EYS: variants seen among roughly 807,000 people sequenced by gnomAD.
The protein encoded by EYS is protein eyes shut homolog.
EYS carries 250 observed loss-of-function variants against 282.1 expected under a neutral mutation model. That is an observed-to-expected ratio of 0.89 (90% CI 0.80 to 0.98). The LOEUF is 0.98. Ranked by LOEUF, EYS falls within the 50% of genes least tolerant of loss-of-function variation. The pLI is 0.00. For missense variants in EYS, 4,016 were observed against 3,709.0 expected, an observed-to-expected ratio of 1.08 and a Z score of -2.15; for synonymous variants, 1,355 against 1,282.9, an observed-to-expected ratio of 1.06 and a Z score of -1.20.
intron 30 of EYS, among the ~76,000 whole-genome samples, chr6:64,297,909 C>T (rs1481772043): frequency 1.4e-5 from 2 of 145,332 alleles, no homozygotes; most frequent in African/African-American, 2.6e-5. Context: ...ACCCAGGAGG[C>T]AGAGGTTGCA....
intron 19 of EYS, among the ~76,000 whole-genome samples, chr6:64,846,324 G>A (rs1182773113): frequency 6.6e-6 from 1 of 152,054 alleles, no homozygotes; most frequent in African/African-American, 2.4e-5. Flanking sequence ...TCATAGTTCT[G>A]GTTATTCCTA....
chr6:64,628,986 G>A (rs1019293546), intron 22 of EYS, among the ~76,000 whole-genome samples: 2 of 152,066 alleles, frequency 1.3e-5, no homozygotes, highest in Admixed American at 1.3e-4. Flanking sequence ...ATTAACTGAA[G>A]TCTATGTATT....
intron 31 of EYS, among the ~76,000 whole-genome samples, chr6:64,118,196 G>A (rs75954466): frequency 0.097 from 14,785 of 151,982 alleles, 1,233 homozygotes; most frequent in African/African-American, 0.23. Context: ...AAACTATGCT[G>A]AAAATTTGTA....
chr6:64,876,744 C>A (rs1416073387), intron 19 of EYS, among the ~76,000 whole-genome samples: 1 of 151,836 alleles, frequency 6.6e-6, no homozygotes, highest in Non-Finnish European at 1.5e-5. Context: ...TAAAATAATA[C>A]AGAAAAGCAT....
chr6:63,904,438 T>C (rs968183510), intron 35 of EYS, among the ~76,000 whole-genome samples: 1 of 152,184 alleles, frequency 6.6e-6, no homozygotes, highest in South Asian at 2.1e-4. Context: ...AGTTTAAGCA[T>C]AGGTTAGGGT....
intron 22 of EYS, among the ~76,000 whole-genome samples, chr6:64,778,725 A>T (rs1177224755): frequency 1.3e-5 from 2 of 152,182 alleles, no homozygotes; most frequent in Admixed American, 6.5e-5. Context: ...ATCACAAGCA[A>T]AAGATCCTAA....
At chr6:65,074,870 C>T (rs556539437) in intron 12 of EYS, among the ~76,000 whole-genome samples, 30 of 152,076 alleles carry the variant, frequency 2.0e-4, no homozygotes, top group Non-Finnish European at 3.5e-4. Flanking sequence ...GGTGGGACCT[C>T]ACTGCATGCA....
At chr6:65,439,569 C>G (rs928073600) in intron 5 of EYS, among the ~76,000 whole-genome samples, 1 of 152,040 alleles carries the variant, frequency 6.6e-6, no homozygotes, top group South Asian at 2.1e-4. Context: ...CTCCACATCC[C>G]TTGTAAGTTG....
chr6:65,281,094 T>A (rs189941709), intron 12 of EYS, among the ~76,000 whole-genome samples: 1 of 150,362 alleles, frequency 6.7e-6, no homozygotes, highest in Non-Finnish European at 1.5e-5. Flanking sequence ...GAGGTAAGTT[T>A]TTTTTGTCAT....
chr6:63,749,807 G>T (rs1245219666), intron 41 of EYS, among the ~76,000 whole-genome samples: 2 of 152,240 alleles, frequency 1.3e-5, no homozygotes, highest in East Asian at 3.9e-4. Context: ...CCCTCCAGGG[G>T]TCCCAACTTC....
intron 36 of EYS, among the ~76,000 whole-genome samples, chr6:63,827,814 A>G (rs1308216731): frequency 1.4e-5 from 2 of 143,818 alleles, no homozygotes; most frequent in Non-Finnish European, 3.0e-5. Flanking sequence ...ACTGCAGTCC[A>G]CAGTCCGGCC....
At chr6:65,059,858 A>G (rs1237123023) in intron 12 of EYS, among the ~76,000 whole-genome samples, 1 of 152,118 alleles carries the variant, frequency 6.6e-6, no homozygotes. Context: ...GAGGAAAGAA[A>G]TAATGAAATA....
At chr6:64,908,608 C>T (rs1219863861) in intron 16 of EYS, among the ~76,000 whole-genome samples, 1 of 151,992 alleles carries the variant, frequency 6.6e-6, no homozygotes, top group African/African-American at 2.4e-5. Flanking sequence ...GTGATGAAAA[C>T]AAGTCTCAGA....
chr6:65,613,425 T>A (rs950558238), intron 2 of EYS, among the ~76,000 whole-genome samples: 6 of 151,886 alleles, frequency 4.0e-5, no homozygotes, highest in Admixed American at 6.6e-5. Flanking sequence ...AGGAAAAACA[T>A]CTGCAGTGTG....
intron 15 of EYS, among the ~76,000 whole-genome samples, chr6:64,935,133 A>T (rs1768864633): frequency 6.6e-6 from 1 of 151,812 alleles, no homozygotes; most frequent in South Asian, 2.1e-4. Context: ...ACCATTAAAA[A>T]TTTTCTAAAT....
intron 35 of EYS, among the ~76,000 whole-genome samples, chr6:63,943,549 G>C (rs1366102159): frequency 6.6e-6 from 1 of 152,130 alleles, no homozygotes; most frequent in Non-Finnish European, 1.5e-5. Context: ...TTGATAAGAA[G>C]ATATGTGCAA....
intron 29 of EYS, among the ~76,000 whole-genome samples, chr6:64,339,536 G>A (rs1561938803): frequency 6.6e-6 from 1 of 152,072 alleles, no homozygotes; most frequent in East Asian, 1.9e-4. Flanking sequence ...TGGTGGGAAT[G>A]TAAACTAGTA....
At chr6:63,928,520 T>G (rs534377295) in intron 35 of EYS, among the ~76,000 whole-genome samples, 3 of 64,926 alleles carry the variant, frequency 4.6e-5, no homozygotes, top group African/African-American at 1.9e-4. Flanking sequence ...TGCTCACCTT[T>G]TGACTGTGTG....
At chr6:63,776,044 A>G (rs2149663250) in intron 40 of EYS, among the ~76,000 whole-genome samples, 1 of 152,300 alleles carries the variant, frequency 6.6e-6, no homozygotes, top group South Asian at 2.1e-4. Context: ...CCTGTAAGGA[A>G]ATTTGTCAGA....
Sources: gnomAD v4.1 joint callset for allele counts (sites outside exome capture counted in the v4.1 genomes callset) on GRCh38, gnomAD v4.1.1 for gene constraint, MANE v1.5 for transcripts, NCBI Gene and HGNC (gene_info 2026-07-23, HGNC 2026-07-21) for gene names.